The following MNS1 variants were observed in gnomAD, a reference collection of about 807,000 sequenced individuals.
MNS1 encodes meiosis specific nuclear structural 1, also known as meiosis-specific nuclear structural protein 1.
In MNS1, 63 loss-of-function variants were observed where a neutral mutation model predicts 72.0. The ratio of observed to expected loss-of-function variants is 0.87; its 90% CI spans 0.71 to 1.08. The LOEUF (loss-of-function observed/expected upper bound fraction) is 1.08, where lower values mean the gene tolerates loss of function less well. MNS1 is among the 50% of genes least tolerant of loss of function. The probability of loss-of-function intolerance (pLI) is 0.00; values close to 1 mark genes in which losing one functional copy is unlikely to be tolerated. For missense variants in MNS1, 604 were observed against 562.4 expected (o/e 1.07, Z -0.75); for synonymous variants, 188 against 172.1 (o/e 1.09, Z -0.72).
At position 56,463,360 on chromosome 15, in the gene MNS1, T is replaced by TA. The variant is rs550795944; in HGVS notation, c.225+665dup. On this transcript the variant is annotated intron_variant, in intron 2 of 9. Coordinates refer to ENST00000260453, the MANE Select transcript of MNS1 (RefSeq NM_018365.4). ...GTAATTACAGAGTTCATATTTATGTTAAAAAAAAATCTGAGTGCTTATTCT... is the reference window on the plus strand; with the variant it reads ...GTAATTACAGAGTTCATATTTATGTTAAAAAAAAAATCTGAGTGCTTATTCT... 1.6e-4 allele frequency among the ~76,000 whole-genome samples: 24 copies of TA among 151,570 alleles called. 1 individual carries two copies. The highest frequency in any genetic ancestry group is 6.6e-4 in the Admixed American group (10 of 15,220).
intron 3 of MNS1, among the ~76,000 whole-genome samples, chr15:56,450,328 TCA>T (rs1367854735): frequency 6.6e-6 from 1 of 152,336 alleles, no homozygotes; most frequent in Non-Finnish European, 1.5e-5. Context: ...TTAATTACAT[TCA>T]CAGTGTTCTG....
chr15:56,439,682 A>C (rs1217427878), intron 7 of MNS1, among the ~76,000 whole-genome samples: 1 of 151,960 alleles, frequency 6.6e-6, no homozygotes, highest in African/African-American at 2.4e-5. Flanking sequence ...AACTGTATTT[A>C]AGTCTCATCG....
Position 56,450,974 on chromosome 15 carries a change from C to T in MNS1, c.354-4031G>A, listed in dbSNP as rs182163139. Among the ~76,000 whole-genome samples the T allele has an allele frequency of 1.4e-3, 213 of 152,272 alleles. 2 individuals are homozygous for T. The highest frequency in any genetic ancestry group is 4.9e-3 in the African/African-American group (202 of 41,550). On this transcript the variant is annotated intron_variant, in intron 3 of 9. Coordinates refer to ENST00000260453, the MANE Select transcript of MNS1 (RefSeq NM_018365.4). ...TCTTATGGTTTTGATTTGCATTTCC[C>T]TAATGACAAATAATGTTGAGTATAT...
rs2051043727 is a variant in MNS1 at position 56,464,264 on chromosome 15, A to C, written c.4-17T>G. 6.6e-7 allele frequency: 1 copy of C among 1,520,200 alleles called. No homozygotes were observed. The highest frequency in any genetic ancestry group is 1.4e-5 in the African/African-American group (1 of 70,752). 94.2% of individuals were successfully genotyped at this position (1,520,200 alleles called of 1,614,324 possible). ...TTTGGAACCCTACGATGGAAGAAAA[A>C]AAAAGATGCATATTTTGATATTCCA... On this transcript the variant is annotated splice_polypyrimidine_tract_variant and intron_variant, in intron 1 of 9. Coordinates refer to ENST00000260453, the MANE Select transcript of MNS1 (RefSeq NM_018365.4).
chr15:56,459,991 A>AG, intron 2 of MNS1, among the ~76,000 whole-genome samples: 2 of 7,790 alleles, frequency 2.6e-4, no homozygotes, highest in African/African-American at 3.6e-4. Flanking sequence ...ATTCTGTCTC[A>AG]AAAAAAAAAA....
chr15:56,446,583 C>G (rs1465037017), intron 4 of MNS1, among the ~76,000 whole-genome samples: 1 of 151,944 alleles, frequency 6.6e-6, no homozygotes, highest in East Asian at 1.9e-4. Flanking sequence ...AGTGAATAAT[C>G]AGTTAGAGAC....
intron 7 of MNS1, among the ~76,000 whole-genome samples, chr15:56,439,283 G>A (rs2050779944): frequency 6.6e-6 from 1 of 152,040 alleles, no homozygotes; most frequent in African/African-American, 2.4e-5. Context: ...TAAATAAAGG[G>A]AGAGCCAAAT....
chr15:56,429,212 G>A lies in MNS1; in HGVS notation c.1396-19C>T, dbSNP rs547066233. On this transcript the variant is annotated intron_variant, in intron 9 of 9. Transcript: ENST00000260453. ...ATACTCCCTACGAGAAAAATACTTTGTGGGTTACTTTTGAATACCAGAATA... is the reference window on the plus strand; with the variant it reads ...ATACTCCCTACGAGAAAAATACTTTATGGGTTACTTTTGAATACCAGAATA... 2 of 1,507,796 alleles carry A rather than the reference G, an allele frequency of 1.3e-6. No homozygotes were observed. The highest frequency in any genetic ancestry group is 1.8e-6 in the Non-Finnish European group (2 of 1,103,516). The allele number at this position is 1,507,796 out of a possible 1,614,324, so 93.4% of individuals were successfully genotyped here.
intron 4 of MNS1, chr15:56,445,785 C>T (rs1358066048): frequency 2.0e-5 from 3 of 151,728 alleles, no homozygotes; most frequent in Non-Finnish European, 2.9e-5. Flanking sequence ...TGGAAAATAG[C>T]AGCAATTCTC....
chr15:56,465,009 C>T lies in MNS1; in HGVS notation c.-37G>A, dbSNP rs376373129. 2.4e-5 allele frequency: 38 copies of T among 1,601,326 alleles called. No homozygotes were observed. In the African/African-American group the frequency reaches 4.4e-4, roughly 19 times the overall value. On this transcript the variant is annotated 5_prime_UTR_variant, in exon 1 of 10. Transcript: ENST00000260453. ...AAAAATACCCCCTCTCGTGGGACCG[C>T]GGCCACCACCTCCCGCCGCAAACGC...
chr15:56,437,241 G>A (rs1472586979), intron 7 of MNS1, among the ~76,000 whole-genome samples: 1 of 152,150 alleles, frequency 6.6e-6, no homozygotes. Flanking sequence ...ACCAAATCCA[G>A]CAGCACATCA....
Position 56,429,054 on chromosome 15 carries a change from TAGTGGTAACATGCA to T in MNS1, c.*33_*46del. On this transcript the variant is annotated 3_prime_UTR_variant, in exon 10 of 10. Coordinates refer to ENST00000260453, the MANE Select transcript of MNS1 (RefSeq NM_018365.4). ...GTAAAACAAAAGTTATGCTGACATC[TAGTGGTAACATGCA>T]AAAAATCTATGCTTTACCCAATTTT... 1 of 1,220,698 alleles carries T rather than the reference TAGTGGTAACATGCA, an allele frequency of 8.2e-7. No individual in the cohort carries two copies. Among genetic ancestry groups the T allele is most frequent in the Non-Finnish European group, 1.2e-6 (1 of 855,694 alleles). The allele number at this position is 1,220,698 out of a possible 1,614,324, so 75.6% of individuals were successfully genotyped here.
At chr15:56,446,458 T>A (rs1369949798) in intron 4 of MNS1, among the ~76,000 whole-genome samples, 1 of 152,000 alleles carries the variant, frequency 6.6e-6, no homozygotes, top group Non-Finnish European at 1.5e-5. Context: ...ACTGGAAAGT[T>A]TCCTACATAA....
At chr15:56,433,766 G>A (rs960926779) in intron 8 of MNS1, among the ~76,000 whole-genome samples, 4 of 152,142 alleles carry the variant, frequency 2.6e-5, no homozygotes, top group African/African-American at 9.7e-5. Context: ...ATAGCATGCA[G>A]GGTGTTCATG....
At chr15:56,436,313 C>T (rs1000135877) in intron 7 of MNS1, among the ~76,000 whole-genome samples, 6 of 152,140 alleles carry the variant, frequency 3.9e-5, no homozygotes, top group African/African-American at 1.2e-4. Context: ...CACTCAAAAC[C>T]GCTCAGCTAC....
At chr15:56,430,999 A>G (rs2050576205) in intron 9 of MNS1, among the ~76,000 whole-genome samples, 1 of 152,170 alleles carries the variant, frequency 6.6e-6, no homozygotes, top group African/African-American at 2.4e-5. Flanking sequence ...TGTCCTTACC[A>G]AAAATACAAA....
At chr15:56,453,994 T>G (rs146394841) in intron 3 of MNS1, among the ~76,000 whole-genome samples, 3 of 152,188 alleles carry the variant, frequency 2.0e-5, no homozygotes, top group Non-Finnish European at 4.4e-5. Context: ...ACATGCCAAT[T>G]TGAAATACAG....
At chr15:56,446,811 T>G in intron 4 of MNS1, 30 bp downstream of exon 4, 1 of 1,514,340 alleles carries the variant, frequency 6.6e-7, no homozygotes, top group Non-Finnish European at 9.1e-7. Flanking sequence ...TAAATGAAGC[T>G]AAAAACATAA....
intron 1 of MNS1, among the ~76,000 whole-genome samples, chr15:56,464,526 C>T (rs796535249): frequency 5.4e-4 from 82 of 152,236 alleles, no homozygotes; most frequent in African/African-American, 1.8e-3. Flanking sequence ...TAATCGCACC[C>T]TACAGACCCA....
Sources: gnomAD v4.1 joint callset for allele counts (sites outside exome capture counted in the v4.1 genomes callset) on GRCh38, gnomAD v4.1.1 for gene constraint, MANE v1.5 for transcripts, NCBI Gene and HGNC (gene_info 2026-07-23, HGNC 2026-07-21) for gene names.